Variants in USH2A observed in about 807,000 individuals in gnomAD.
The protein encoded by USH2A is usherin.
In USH2A, 443 loss-of-function variants were observed where a neutral mutation model predicts 538.9. The observed-to-expected ratio is 0.82, with a 90% CI of 0.76 to 0.89. The LOEUF is 0.89. Ranked by LOEUF, USH2A falls within the 40% of genes least tolerant of loss-of-function variation. The probability of loss-of-function intolerance (pLI) is 0.00; values close to 1 mark genes in which losing one functional copy is unlikely to be tolerated. For missense variants in USH2A, 6,633 were observed against 6,324.8 expected, an observed-to-expected ratio of 1.05 and a Z score of -1.65; for synonymous variants, 2,413 against 2,273.5, an observed-to-expected ratio of 1.06 and a Z score of -1.75.
intron 56 of USH2A, among the ~76,000 whole-genome samples, chr1:215,761,666 T>C (rs1201554474): frequency 6.6e-6 from 1 of 152,226 alleles, no homozygotes; most frequent in Non-Finnish European, 1.5e-5. Context: ...TGTGGCTCAC[T>C]TTCAAGGAGT....
intron 21 of USH2A, among the ~76,000 whole-genome samples, chr1:216,148,006 A>C (rs1211620059): frequency 1.4e-5 from 2 of 140,092 alleles, no homozygotes; most frequent in Admixed American, 1.5e-4. Context: ...TTCTCGGCTT[A>C]GGGGCTGAAG....
In USH2A at chr1:215,790,221, G is replaced by A; in HGVS notation, c.10020C>T (p.Ser3340=). 1 of 1,614,022 alleles carries A rather than the reference G, an allele frequency of 6.2e-7. No homozygotes were observed. Among genetic ancestry groups the A allele is most frequent in the Non-Finnish European group, 8.5e-7 (1 of 1,179,994 alleles). ...TAATATGTGCTTTAGACTCTCCACT[G>A]GAAGCTGAGCAGCATATGGTATCTG... is the stretch of plus-strand genomic sequence containing the variant. ...NMSDTICCSA[S]SGESKAHIKK... is the part of the protein sequence containing the mutation. Residue 3340 remains serine (S), a synonymous_variant, in exon 51 of 72, where the codon TCC becomes TCT. Coordinates refer to ENST00000307340, the MANE Select transcript of USH2A (RefSeq NM_206933.4).
intron 60 of USH2A, among the ~76,000 whole-genome samples, chr1:215,740,580 A>G (rs1366650637): frequency 6.6e-6 from 1 of 152,232 alleles, no homozygotes; most frequent in African/African-American, 2.4e-5. Context: ...GCTTATGAAA[A>G]GCACCATCTT....
chr1:216,073,027 G>A (rs2031611364), intron 28 of USH2A, 58 bp from the exon 29 acceptor site: 2 of 1,611,118 alleles, frequency 1.2e-6, no homozygotes, highest in Non-Finnish European at 1.7e-6. Context: ...ATTAATGAGG[G>A]GCTGGCAGGG....
At position 215,838,060 on chromosome 1, in the gene USH2A, G is replaced by A; in HGVS notation, c.9302C>T (p.Thr3101Ile). Residue 3101 changes from threonine to isoleucine, a missense_variant, in exon 47 of 72, where the codon ACC (threonine) becomes ATC (isoleucine). By Grantham distance (89) the Thr-to-Ile change is moderately conservative (BLOSUM62 -1). Transcript: ENST00000307340. ...TIYACVKSNG[T>I]QITTVEDTPS... ...AGTGTCTTCCACAGTGGTAATTTGG[G>A]TTCCATTGCTTTTCACGCAGGCATA... 6.2e-7 allele frequency: 1 copy of A among 1,613,956 alleles called. No individual in the cohort carries two copies. The highest frequency in any genetic ancestry group is 1.3e-5 in the African/African-American group (1 of 75,020).
chr1:216,298,617 G>C (rs992638236), intron 9 of USH2A, among the ~76,000 whole-genome samples: 6 of 152,114 alleles, frequency 3.9e-5, no homozygotes, highest in African/African-American at 1.4e-4. Flanking sequence ...CAGATATATG[G>C]ATAACCTGTT....
chr1:216,159,305 T>C (rs2034008256), intron 21 of USH2A, among the ~76,000 whole-genome samples: 1 of 152,138 alleles, frequency 6.6e-6, no homozygotes, highest in African/African-American at 2.4e-5. Flanking sequence ...TATTTTACTA[T>C]TAGAGGTCTT....
intron 49 of USH2A, among the ~76,000 whole-genome samples, 173 bp downstream of exon 49, chr1:215,813,563 A>C (rs573058469): frequency 6.6e-6 from 1 of 152,294 alleles, no homozygotes; most frequent in South Asian, 2.1e-4. Context: ...AGCCTTGCTT[A>C]TATTTTAACA....
At chr1:216,176,489 C>T (rs1300516325) in intron 20 of USH2A, among the ~76,000 whole-genome samples, 1 of 152,130 alleles carries the variant, frequency 6.6e-6, no homozygotes, top group South Asian at 2.1e-4. Flanking sequence ...CATGCACAGT[C>T]TCTTCCAATA....
rs2102643255 is a variant in USH2A, at chr1:215,648,707, G to A, written c.14403C>T (p.Tyr4801=). 1 of 1,614,230 alleles carries A rather than the reference G, an allele frequency of 6.2e-7. No homozygotes were observed. The highest frequency in any genetic ancestry group is 8.5e-7 in the Non-Finnish European group (1 of 1,180,040). Residue 4801 remains tyrosine (Y), a synonymous_variant, in exon 66 of 72, where the codon TAC becomes TAT. Coordinates refer to ENST00000307340, the MANE Select transcript of USH2A (RefSeq NM_206933.4). ...AGGTGCAGGCCTCTACTCCAATAGA[G>A]TAGTTAGTGAAGGCTTGAAGGCCAT... ...TLHGLQAFTN[Y]SIGVEACTCF...
chr1:216,158,778 T>C lies in USH2A; in HGVS notation c.4627+16474A>G, dbSNP rs111926793. Among the ~76,000 whole-genome samples the C allele has an allele frequency of 1.1e-3, 163 of 152,322 alleles. 1 individual carries two copies. Among genetic ancestry groups the C allele is most frequent in the African/African-American group, 3.7e-3 (155 of 41,582 alleles). On this transcript the variant is annotated intron_variant, in intron 21 of 71. Coordinates refer to ENST00000307340, the MANE Select transcript of USH2A (RefSeq NM_206933.4). ...TCCTGGGATTTTGAGAGGGACTATA[T>C]GGATTCTACAGATCAAACTAGGAAG... is the stretch of plus-strand genomic sequence containing the variant.
In USH2A at chr1:215,796,873, C is replaced by T. The variant is rs1558102405; in HGVS notation, c.9958+2034G>A. 1.1e-4 allele frequency among the ~76,000 whole-genome samples: 3 copies of T among 27,598 alleles called. No homozygotes were observed. In the Admixed American group the frequency reaches 1.6e-3, roughly 15 times the overall value. The allele number at this position is 27,598 out of a possible 152,430, so 18.1% of individuals were successfully genotyped here. On this transcript the variant is annotated intron_variant, in intron 50 of 71. Transcript: ENST00000307340. The stretch of plus-strand genomic sequence containing the variant: ...CAAAATGCTCCTCTTCCTCCCACAC[C>T]TTCAACAGACCTTCTTCTCTTTTCT...
chr1:216,380,605 G>T (rs901154070), intron 3 of USH2A, among the ~76,000 whole-genome samples: 1 of 152,170 alleles, frequency 6.6e-6, no homozygotes, highest in Non-Finnish European at 1.5e-5. Flanking sequence ...ACTGACTTCA[G>T]TGTGAGACAA....
At chr1:216,354,550 G>A (rs929482155) in intron 4 of USH2A, among the ~76,000 whole-genome samples, 3 of 152,026 alleles carry the variant, frequency 2.0e-5, no homozygotes, top group African/African-American at 4.8e-5. Context: ...TCTACAAAAC[G>A]GCCAAATGAA....
intron 4 of USH2A, among the ~76,000 whole-genome samples, chr1:216,344,685 T>C (rs751871534): frequency 1.3e-4 from 20 of 151,662 alleles, no homozygotes; most frequent in Non-Finnish European, 2.2e-4. Flanking sequence ...TGGAAATGGG[T>C]TAGAGGCCTA....
intron 60 of USH2A, among the ~76,000 whole-genome samples, chr1:215,739,045 A>T (rs77486336): frequency 0.052 from 7,949 of 152,260 alleles, 282 homozygotes; most frequent in Non-Finnish European, 0.076. Context: ...CTGCCAAGTG[A>T]TTCATGCCTA....
intron 49 of USH2A, among the ~76,000 whole-genome samples, chr1:215,803,043 G>C (rs1043131509): frequency 4.6e-5 from 7 of 152,072 alleles, no homozygotes; most frequent in African/African-American, 1.7e-4. Flanking sequence ...ACATGATTAT[G>C]TCAATAGATG....
intron 20 of USH2A, 46 bp from the exon 21 acceptor site, chr1:216,175,528 T>C: frequency 1.3e-6 from 2 of 1,556,224 alleles, no homozygotes; most frequent in Non-Finnish European, 1.8e-6. Flanking sequence ...TTGGTTTCTG[T>C]CTCTAGACAC....
At chr1:215,692,721 G>A (rs10864185) in intron 61 of USH2A, among the ~76,000 whole-genome samples, 29,532 of 151,922 alleles carry the variant, frequency 0.19, 3,176 homozygotes, top group South Asian at 0.47. Flanking sequence ...TCTATGAGGA[G>A]CAGGGAAATT....
Sources: allele counts gnomAD v4.1 joint callset (sites outside exome capture counted in the v4.1 genomes callset), GRCh38; gene constraint gnomAD v4.1.1; transcripts MANE v1.5; gene names NCBI Gene and HGNC (gene_info 2026-07-23, HGNC 2026-07-21).